Variants in TNRC18 observed in about 807,000 individuals in gnomAD.
The protein encoded by TNRC18 is trinucleotide repeat-containing gene 18 protein.
In TNRC18, 69 loss-of-function variants were observed where a neutral mutation model predicts 226.7. The observed-to-expected ratio is 0.30, with a 90% CI of 0.25 to 0.37. The LOEUF is 0.37. Among genes scored for constraint, TNRC18 ranks in the 10% least tolerant of loss-of-function variants. The probability of loss-of-function intolerance (pLI) is 1.00; values close to 1 mark genes in which losing one functional copy is unlikely to be tolerated. For synonymous variants in TNRC18, 2,449 were observed against 1,927.6 expected, an observed-to-expected ratio of 1.27 and a Z score of -7.09; for missense variants, 4,754 against 4,256.6, an observed-to-expected ratio of 1.12 and a Z score of -3.25.
At chr7:5,357,997 G>C (rs1299604268) in intron 15 of TNRC18, among the ~76,000 whole-genome samples, 2 of 152,152 alleles carry the variant, frequency 1.3e-5, no homozygotes. Flanking sequence ...TCGACCAAGT[G>C]CTGCTGCCGA....
intron 2 of TNRC18, among the ~76,000 whole-genome samples, chr7:5,402,723 G>A (rs551570229): frequency 1.3e-5 from 2 of 151,966 alleles, no homozygotes; most frequent in Non-Finnish European, 2.9e-5. Flanking sequence ...GCGTGGTGGT[G>A]GACGCCTATA....
At chr7:5,327,061 T>C (rs1788992755) in intron 19 of TNRC18, among the ~76,000 whole-genome samples, 1 of 152,076 alleles carries the variant, frequency 6.6e-6, no homozygotes, top group Admixed American at 6.5e-5. Context: ...AGACGGACGT[T>C]ACAGTGAGCC....
intron 5 of TNRC18, among the ~76,000 whole-genome samples, chr7:5,384,671 TCTC>T (rs1779632331): frequency 6.6e-6 from 1 of 151,854 alleles, no homozygotes; most frequent in Admixed American, 6.6e-5. Flanking sequence ...CTCAAAGAGA[TCTC>T]CTGCCTCCCA....
chr7:5,406,687 C>G (rs1038713724), intron 2 of TNRC18, among the ~76,000 whole-genome samples: 9 of 151,574 alleles, frequency 5.9e-5, no homozygotes, highest in African/African-American at 1.9e-4. Flanking sequence ...CCCGTCTCTA[C>G]TAAAAATACA....
chr7:5,314,081 C>T (rs1310272837), intron 26 of TNRC18, among the ~76,000 whole-genome samples: 1 of 151,988 alleles, frequency 6.6e-6, no homozygotes, highest in Non-Finnish European at 1.5e-5. Context: ...GCCTCAGTCT[C>T]CCAAGTAACC....
At chr7:5,337,837 G>C (rs1471198368) in intron 18 of TNRC18, among the ~76,000 whole-genome samples, 1 of 152,002 alleles carries the variant, frequency 6.6e-6, no homozygotes, top group Admixed American at 6.6e-5. Context: ...ACAAAAATTA[G>C]CCAGGCGAGG....
At chr7:5,323,139 G>A (rs1788546061) in intron 21 of TNRC18, among the ~76,000 whole-genome samples, 1 of 152,170 alleles carries the variant, frequency 6.6e-6, no homozygotes, top group Non-Finnish European at 1.5e-5. Context: ...GGCGGCGGCT[G>A]GTTGTCACAT....
rs74916630 is a variant in TNRC18, at chr7:5,377,621, G to A, written c.2256-45C>T. On this transcript the variant is annotated intron_variant, in intron 6 of 29. Coordinates refer to ENST00000430969, the MANE Select transcript of TNRC18 (RefSeq NM_001080495.3). This position sits in a 1 kb window ranked among gnomAD's most constrained non-coding sequence, Gnocchi z 5.8. ...TGTCAGCGACAGCTCGGACAGCCCA[G>A]GGGACGAGAGGGAGAAGCGGGGTTG... The A allele has an allele frequency of 4.6e-6, 7 of 1,523,646 alleles. No individual in the cohort carries two copies. The highest frequency in any genetic ancestry group is 2.5e-5 in the East Asian group (1 of 40,610). 94.4% of individuals were successfully genotyped at this position (1,523,646 alleles called of 1,614,324 possible).
chr7:5,338,549 G>A (rs1274967069), intron 18 of TNRC18, among the ~76,000 whole-genome samples: 1 of 149,898 alleles, frequency 6.7e-6, no homozygotes, highest in East Asian at 2.0e-4. Context: ...ACCAGCCTGG[G>A]CAACAGGTAG....
chr7:5,376,074 G>T lies in TNRC18; in HGVS notation c.2759C>A (p.Ala920Glu), dbSNP rs773725606. Reference sequence around the variant, plus strand: ...CCTCTGCAGTTCCAAGGCCTGGGCCGCCTGCTGCTGCAGGTACAGGAACTC... The same window carrying T: ...CCTCTGCAGTTCCAAGGCCTGGGCCTCCTGCTGCTGCAGGTACAGGAACTC... ...QQEFLYLQQQ[A>E]AQALELQRSA... The change falls in exon 9 of 30, where the codon GCG (alanine) becomes GAG (glutamate). Residue 920 changes from alanine to glutamate, a missense_variant. Physicochemically the swap from Ala to Glu is moderately radical, Grantham distance 107. Coordinates refer to ENST00000430969, the MANE Select transcript of TNRC18 (RefSeq NM_001080495.3). 1.3e-6 allele frequency: 2 copies of T among 1,596,332 alleles called. No homozygotes were observed. The highest frequency in any genetic ancestry group is 2.3e-5 in the East Asian group (1 of 43,954).
rs749286418 is a variant in TNRC18, at chr7:5,333,060, G to C, written c.5720-11C>G. On this transcript the variant is annotated splice_polypyrimidine_tract_variant and intron_variant, in intron 18 of 29. Transcript: ENST00000430969. ...ACTCGAACTCTGTGCCTGAACGCGGGAGGAGGGCGTGCTGGTCACAGCCTC... is the reference window on the plus strand; with the variant it reads ...ACTCGAACTCTGTGCCTGAACGCGGCAGGAGGGCGTGCTGGTCACAGCCTC... The C allele has an allele frequency of 6.4e-7, 1 of 1,565,866 alleles. No homozygotes were observed. Among genetic ancestry groups the C allele is most frequent in the East Asian group, 2.3e-5 (1 of 43,180 alleles).
chr7:5,332,047 T>C (rs1166438344), intron 19 of TNRC18, among the ~76,000 whole-genome samples: 1 of 152,258 alleles, frequency 6.6e-6, no homozygotes, highest in Non-Finnish European at 1.5e-5. Flanking sequence ...TTGATAACTA[T>C]GGTCACTATC....
intron 11 of TNRC18, among the ~76,000 whole-genome samples, chr7:5,368,370 T>G (rs912414522): frequency 1.7e-4 from 26 of 151,472 alleles, no homozygotes; most frequent in Non-Finnish European, 3.4e-4. Flanking sequence ...AAAGAACATT[T>G]TAAGTAAAGT....
At chr7:5,327,346 GA>G (rs1789015768) in intron 19 of TNRC18, among the ~76,000 whole-genome samples, 1 of 151,708 alleles carries the variant, frequency 6.6e-6, no homozygotes, top group African/African-American at 2.4e-5. Flanking sequence ...TTTTGGGGGG[GA>G]AAAATATATA....
In TNRC18 at chr7:5,357,418, A is replaced by G. The variant is rs567740836; in HGVS notation, c.4834-142T>C. 8 of 846,918 alleles carry G rather than the reference A, an allele frequency of 9.4e-6. No individual in the cohort carries two copies. In the South Asian group the frequency reaches 2.1e-4, roughly 22 times the overall value. The allele number at this position is 846,918 out of a possible 1,614,324, so 52.5% of individuals were successfully genotyped here. A position where few individuals can be genotyped will look rare whatever the true frequency, so the allele number is the denominator to read the frequency against. ...CTCCTCTTAGCACGCATATATATTTATTTTTTTTTTAGAGACGGAGTCTCG... is the reference window on the plus strand; with the variant it reads ...CTCCTCTTAGCACGCATATATATTTGTTTTTTTTTTAGAGACGGAGTCTCG... On this transcript the variant is annotated intron_variant, in intron 15 of 29. Transcript: ENST00000430969.
intron 27 of TNRC18, among the ~76,000 whole-genome samples, chr7:5,311,434 T>C (rs754079720): frequency 6.6e-6 from 1 of 152,228 alleles, no homozygotes; most frequent in Non-Finnish European, 1.5e-5. Flanking sequence ...ATCTGGACTT[T>C]TGCTAGCAAA....
chr7:5,408,609 T>A (rs1211933102), intron 2 of TNRC18, among the ~76,000 whole-genome samples: 2 of 151,978 alleles, frequency 1.3e-5, no homozygotes, highest in African/African-American at 4.8e-5. Context: ...GCCACTGCAC[T>A]CCAGCCTGAG....
Position 5,361,607 on chromosome 7 carries a change from G to GGAT in TNRC18, c.4647_4648insATC (p.Gly1549_His1550insIle). The GGAT allele has an allele frequency of 6.5e-7, 1 of 1,536,062 alleles. No individual in the cohort carries two copies. On this transcript the variant is annotated inframe_insertion, in exon 14 of 30. Coordinates refer to ENST00000430969, the MANE Select transcript of TNRC18 (RefSeq NM_001080495.3). ...GGCCAGCCTTACTTTCCGCTACTGTGGCCGCTCTTCCCTCTCTTGCGGGGG... is the reference window on the plus strand; with the variant it reads ...GGCCAGCCTTACTTTCCGCTACTGTGGATGCCGCTCTTCCCTCTCTTGCGGGGG...
chr7:5,325,380 C>A, intron 19 of TNRC18, 132 bp from the exon 20 acceptor site: 1 of 959,178 alleles, frequency 1.0e-6, no homozygotes, highest in South Asian at 1.6e-5. Flanking sequence ...GAACAAAACA[C>A]CCCTTCTCTC....
Sources: allele counts gnomAD v4.1 joint callset (sites outside exome capture counted in the v4.1 genomes callset), GRCh38; gene constraint gnomAD v4.1.1; non-coding constraint Gnocchi (gnomAD v3.1); transcripts MANE v1.5; gene names NCBI Gene and HGNC (gene_info 2026-07-23, HGNC 2026-07-21).